The following KCNQ1 variants were observed in gnomAD, a reference collection of about 807,000 sequenced individuals.
The protein encoded by KCNQ1 is potassium voltage-gated channel subfamily Q member 1, also known as potassium voltage-gated channel subfamily KQT member 1.
Under a neutral mutation model 72.4 loss-of-function variants are expected in KCNQ1, and 49 were observed. The observed-to-expected ratio is 0.68, with a 90% CI of 0.54 to 0.86. The LOEUF (loss-of-function observed/expected upper bound fraction) is 0.86, where lower values mean the gene tolerates loss of function less well. KCNQ1 is among the 40% of genes least tolerant of loss of function. The pLI is 0.00. For missense variants in KCNQ1, 790 were observed against 945.1 expected (o/e 0.84, Z 2.15); for synonymous variants, 450 against 412.6 (o/e 1.09, Z -1.10).
chr11:2,747,470 C>T (rs931084630), intron 11 of KCNQ1, among the ~76,000 whole-genome samples: 1 of 152,210 alleles, frequency 6.6e-6, no homozygotes, highest in Admixed American at 6.5e-5. Flanking sequence ...GCAGCCGGTG[C>T]TTGGTCCCTG....
intron 1 of KCNQ1, 129 bp from the exon 2 acceptor site, chr11:2,527,799 C>A: frequency 1.3e-6 from 1 of 777,722 alleles, no homozygotes; most frequent in East Asian, 2.6e-5. Flanking sequence ...TAATGGATGA[C>A]TGGGTTTTCG....
Position 2,642,135 on chromosome 11 carries a change from T to C in KCNQ1, c.1394-19826T>C, listed in dbSNP as rs1414211892. 1 of 398,352 alleles carries C rather than the reference T, an allele frequency of 2.5e-6. No individual in the cohort carries two copies. The highest frequency in any genetic ancestry group is 3.6e-5 in the East Asian group (1 of 28,056). 24.7% of individuals were successfully genotyped at this position (398,352 alleles called of 1,614,324 possible). The stretch of plus-strand genomic sequence containing the variant: ...TTTTGGTTCCATCTGAATTTTAGGA[T>C]TTTTTCTATTTCCATGAAAAATGGC... On this transcript the variant is annotated intron_variant, in intron 10 of 15. Transcript: ENST00000155840. The surrounding 1 kb of genome is among the most constrained non-coding windows in gnomAD (Gnocchi z 4.3).
Position 2,473,183 on chromosome 11 carries a change from C to G in KCNQ1, c.386+27699C>G, listed in dbSNP as rs1047191901. ...GCCTGTGGCTGAGGAGAGGCCAGGA[C>G]GGGCCAAGGAGAGCAGGCAAGAGAA... On this transcript the variant is annotated intron_variant, in intron 1 of 15. Coordinates refer to ENST00000155840, the MANE Select transcript of KCNQ1 (RefSeq NM_000218.3). The surrounding 1 kb of genome is among the most constrained non-coding windows in gnomAD (Gnocchi z 6.0). Among the ~76,000 whole-genome samples the G allele has an allele frequency of 3.3e-5, 5 of 151,994 alleles. No homozygotes were observed. The highest frequency in any genetic ancestry group is 7.4e-5 in the Non-Finnish European group (5 of 67,998).
chr11:2,798,401 C>T (rs896780094), intron 15 of KCNQ1, among the ~76,000 whole-genome samples: 1 of 152,186 alleles, frequency 6.6e-6, no homozygotes, highest in Non-Finnish European at 1.5e-5. Flanking sequence ...GAGCCGTTCC[C>T]ACAAAAGCCT....
At chr11:2,489,541 G>A (rs1846800388) in intron 1 of KCNQ1, among the ~76,000 whole-genome samples, 1 of 152,052 alleles carries the variant, frequency 6.6e-6, no homozygotes, top group African/African-American at 2.4e-5. Flanking sequence ...GGATGTGGGG[G>A]GCACACAACC....
Position 2,536,068 on chromosome 11 carries a change from AC to A in KCNQ1, c.477+8053del, listed in dbSNP as rs1847726950. On this transcript the variant is annotated intron_variant, in intron 2 of 15. Transcript: ENST00000155840. The surrounding 1 kb of genome is among the most constrained non-coding windows in gnomAD (Gnocchi z 7.4). ...ACTGGCCACATGCTCTGCCGAGCAC[AC>A]CCGCTGCTGTCCCCAGCCACCCAGC... Among the ~76,000 whole-genome samples the A allele has an allele frequency of 6.6e-6, 1 of 152,058 alleles. No homozygotes were observed. The highest frequency in any genetic ancestry group is 2.4e-5 in the African/African-American group (1 of 41,398).
chr11:2,651,286 A>G lies in KCNQ1; in HGVS notation c.1394-10675A>G, dbSNP rs1473094807. 2.5e-6 allele frequency: 1 copy of G among 398,692 alleles called. No individual in the cohort carries two copies. The highest frequency in any genetic ancestry group is 4.4e-6 in the Non-Finnish European group (1 of 226,108). 24.7% of individuals were successfully genotyped at this position (398,692 alleles called of 1,614,324 possible). A position where few individuals can be genotyped will look rare whatever the true frequency, so the allele number is the denominator to read the frequency against. ...TGGTCACTTATTGAGAAAGAGCTTC[A>G]TGGTGGGCAGCTGGGAAGCTGCACA... On this transcript the variant is annotated intron_variant, in intron 10 of 15. Coordinates refer to ENST00000155840, the MANE Select transcript of KCNQ1 (RefSeq NM_000218.3). This position sits in a 1 kb window ranked among gnomAD's most constrained non-coding sequence, Gnocchi z 6.1.
At chr11:2,520,406 G>T (rs1847360877) in intron 1 of KCNQ1, among the ~76,000 whole-genome samples, 2 of 152,212 alleles carry the variant, frequency 1.3e-5, no homozygotes, top group African/African-American at 4.8e-5. Context: ...GAGATGCCTG[G>T]CCCAGGCTCC....
chr11:2,450,114 C>G lies in KCNQ1; in HGVS notation c.386+4630C>G, dbSNP rs1250920938. On this transcript the variant is annotated intron_variant, in intron 1 of 15. Transcript: ENST00000155840. This position sits in a 1 kb window ranked among gnomAD's most constrained non-coding sequence, Gnocchi z 7.9. ...CTTGTCTGGGAGGTGGACGAGCCCT[C>G]CGTAGCCCTGACATTCCAAACTGGC... is the stretch of plus-strand genomic sequence containing the variant. Among the ~76,000 whole-genome samples, 1 of 152,210 alleles carries G rather than the reference C, an allele frequency of 6.6e-6. No individual in the cohort carries two copies. The highest frequency in any genetic ancestry group is 1.5e-5 in the Non-Finnish European group (1 of 68,032).
intron 10 of KCNQ1, chr11:2,625,982 T>C (rs1443943157): frequency 5.0e-6 from 2 of 398,538 alleles, no homozygotes; most frequent in Non-Finnish European, 8.8e-6. Flanking sequence ...TTTCTCCCAT[T>C]CTGTAGGTTG....
At chr11:2,675,728 T>C (rs76101706) in intron 11 of KCNQ1, 28,460 of 398,660 alleles carry the variant, frequency 0.071, 1,146 homozygotes, top group Middle Eastern at 0.11. Flanking sequence ...GAGCAGCCCC[T>C]GCTCCACAGA....
At chr11:2,799,348 T>C (rs1847210461) in intron 15 of KCNQ1, among the ~76,000 whole-genome samples, 1 of 151,218 alleles carries the variant, frequency 6.6e-6, no homozygotes, top group Admixed American at 6.6e-5. Context: ...TGGAATGTGA[T>C]GTTTAACTTC....
chr11:2,609,748 A>G, intron 10 of KCNQ1: 1 of 398,296 alleles, frequency 2.5e-6, no homozygotes, highest in Non-Finnish European at 4.4e-6. Context: ...CTTCTCATGA[A>G]TTGACATTTT....
intron 7 of KCNQ1, among the ~76,000 whole-genome samples, chr11:2,584,534 TTAG>T (rs1342617009): frequency 2.7e-5 from 4 of 148,784 alleles, no homozygotes; most frequent in Non-Finnish European, 4.4e-5. Flanking sequence ...AGTGTGTGTG[TTAG>T]TATGTGTTTG....
chr11:2,539,116 C>T (rs529769305), intron 2 of KCNQ1, among the ~76,000 whole-genome samples: 153 of 152,244 alleles, frequency 1.0e-3, no homozygotes, highest in African/African-American at 3.6e-3. Context: ...GATGTCCCGT[C>T]GGCAGCCCGT....
rs1116809 is a variant in KCNQ1, at chr11:2,746,606, C to T, written c.1515-22238C>T. ...TCCGTCTGCTGCTGTCCTCACGATT[C>T]GACTGGGCTGTGGGTGTGAGGAGGG... is the stretch of plus-strand genomic sequence containing the variant. On this transcript the variant is annotated intron_variant, in intron 11 of 15. Coordinates refer to ENST00000155840, the MANE Select transcript of KCNQ1 (RefSeq NM_000218.3). The surrounding 1 kb of genome is among the most constrained non-coding windows in gnomAD (Gnocchi z 5.9). Among the ~76,000 whole-genome samples the T allele has an allele frequency of 6.6e-6, 1 of 151,962 alleles. No individual in the cohort carries two copies. Among genetic ancestry groups the T allele is most frequent in the African/African-American group, 2.4e-5 (1 of 41,382 alleles).
rs781046915 is a variant in KCNQ1 at position 2,484,750 on chromosome 11, G to A, written c.386+39266G>A. Among the ~76,000 whole-genome samples, 5 of 152,150 alleles carry A rather than the reference G, an allele frequency of 3.3e-5. No homozygotes were observed. The highest frequency in any genetic ancestry group is 1.9e-4 in the East Asian group (1 of 5,182). ...TGGACCTGCTGCTCTGCGCCCACTCGGCCGACGGAGCTGGGGAATATGTGT... is the reference window on the plus strand; with the variant it reads ...TGGACCTGCTGCTCTGCGCCCACTCAGCCGACGGAGCTGGGGAATATGTGT... On this transcript the variant is annotated intron_variant, in intron 1 of 15. Coordinates refer to ENST00000155840, the MANE Select transcript of KCNQ1 (RefSeq NM_000218.3). The surrounding 1 kb of genome is among the most constrained non-coding windows in gnomAD (Gnocchi z 5.2).
At position 2,486,774 on chromosome 11, in the gene KCNQ1, C is replaced by CT. The variant is rs1297452589; in HGVS notation, c.387-41150dup. On this transcript the variant is annotated intron_variant, in intron 1 of 15. Coordinates refer to ENST00000155840, the MANE Select transcript of KCNQ1 (RefSeq NM_000218.3). This position sits in a 1 kb window ranked among gnomAD's most constrained non-coding sequence, Gnocchi z 5.0. ...GCAAGAGAAAGGAGGTTCCAGTCTC[C>CT]TTTTAACAACCAGATCTTGCATGAA... is the stretch of plus-strand genomic sequence containing the variant. Among the ~76,000 whole-genome samples, 1 of 152,074 alleles carries CT rather than the reference C, an allele frequency of 6.6e-6. No homozygotes were observed. The highest frequency in any genetic ancestry group is 1.5e-5 in the Non-Finnish European group (1 of 68,022).
rs1003057204 is a variant in KCNQ1, at chr11:2,698,966, C to T, written c.1514+36885C>T. Reference sequence around the variant, plus strand: ...CCCAACTAGGATACCTAACTCAGAACCACAACGGGGATTCCCACCTCCGAT... The same window carrying T: ...CCCAACTAGGATACCTAACTCAGAATCACAACGGGGATTCCCACCTCCGAT... On this transcript the variant is annotated intron_variant, in intron 11 of 15. Coordinates refer to ENST00000155840, the MANE Select transcript of KCNQ1 (RefSeq NM_000218.3). This position sits in a 1 kb window ranked among gnomAD's most constrained non-coding sequence, Gnocchi z 5.1. The T allele has an allele frequency of 7.5e-6, 3 of 398,530 alleles. No individual in the cohort carries two copies. Among genetic ancestry groups the T allele is most frequent in the Admixed American group, 8.8e-5 (2 of 22,718 alleles). 24.7% of individuals were successfully genotyped at this position (398,530 alleles called of 1,614,324 possible).
Sources: allele counts gnomAD v4.1 joint callset (sites outside exome capture counted in the v4.1 genomes callset), GRCh38; gene constraint gnomAD v4.1.1; non-coding constraint Gnocchi (gnomAD v3.1); transcripts MANE v1.5; gene names NCBI Gene and HGNC (gene_info 2026-07-23, HGNC 2026-07-21).